The following C11orf58 variants were observed in gnomAD, a reference collection of about 807,000 sequenced individuals.
The protein encoded by C11orf58 is small acidic protein.
Under a neutral mutation model 22.7 loss-of-function variants are expected in C11orf58, and 5 were observed. The ratio of observed to expected loss-of-function variants is 0.22; its 90% confidence interval spans 0.12 to 0.46. C11orf58 has a LOEUF of 0.46. Ranked by LOEUF, C11orf58 falls within the 20% of genes least tolerant of loss-of-function variation. The pLI, the probability that C11orf58 is intolerant of heterozygous loss-of-function variation, is 0.99. For missense variants in C11orf58, 151 were observed against 223.3 expected, an observed-to-expected ratio of 0.68 and a Z score of 2.06; for synonymous variants, 71 against 70.7, an observed-to-expected ratio of 1.00 and a Z score of -0.02.
intron 4 of C11orf58, chr11:16,754,167 A>C: frequency 2.5e-6 from 1 of 395,588 alleles, no homozygotes; most frequent in Non-Finnish European, 4.5e-6. Flanking sequence ...ACTCCAAAGT[A>C]ATACAATGTG....
chr11:16,742,659 A>G (rs1848457039), intron 1 of C11orf58, among the ~76,000 whole-genome samples: 1 of 152,210 alleles, frequency 6.6e-6, no homozygotes, highest in Non-Finnish European at 1.5e-5. Flanking sequence ...TCATATGCCC[A>G]GGGGAAATAG....
chr11:16,748,299 A>G, intron 3 of C11orf58, 142 bp downstream of exon 3: 1 of 633,262 alleles, frequency 1.6e-6, no homozygotes, highest in African/African-American at 1.8e-5. Flanking sequence ...CAGTGGCTTA[A>G]TGCCTGTAAT....
At chr11:16,753,543 A>G (rs758328557) in intron 4 of C11orf58, among the ~76,000 whole-genome samples, 33 of 151,128 alleles carry the variant, frequency 2.2e-4, no homozygotes, top group Non-Finnish European at 3.5e-4. Flanking sequence ...TTTGTATTTC[A>G]GGAGAGATAG....
At chr11:16,740,370 A>G (rs1848436667) in intron 1 of C11orf58, among the ~76,000 whole-genome samples, 1 of 152,132 alleles carries the variant, frequency 6.6e-6, no homozygotes, top group Non-Finnish European at 1.5e-5. Context: ...TTTCCCAATC[A>G]TATAAGCGTA....
chr11:16,745,200 AGGGG>A (rs1848478265), intron 2 of C11orf58, among the ~76,000 whole-genome samples: 1 of 152,144 alleles, frequency 6.6e-6, no homozygotes. Flanking sequence ...GTAGAACACC[AGGGG>A]GAAAGAAAAC....
chr11:16,748,017 T>G, intron 2 of C11orf58, 80 bp from the exon 3 acceptor site: 1 of 1,053,530 alleles, frequency 9.5e-7, no homozygotes, highest in Non-Finnish European at 1.5e-6. Context: ...AAGCCTAGAA[T>G]AGTTTTCAGC....
chr11:16,740,987 T>C (rs555436800), intron 1 of C11orf58, among the ~76,000 whole-genome samples: 1 of 150,706 alleles, frequency 6.6e-6, no homozygotes, highest in Non-Finnish European at 1.5e-5. Flanking sequence ...TCCCAGCTAC[T>C]AGGGAGGCTG....
chr11:16,745,504 TATAAG>T (rs146316216), intron 2 of C11orf58, among the ~76,000 whole-genome samples: 157 of 152,340 alleles, frequency 1.0e-3, no homozygotes, highest in African/African-American at 3.4e-3. Context: ...TCAAGAAAAT[TATAAG>T]GAAGAGAAAA....
At chr11:16,750,914 CTG>C (rs1180838645) in intron 3 of C11orf58, 1 of 152,210 alleles carries the variant, frequency 6.6e-6, no homozygotes, top group Non-Finnish European at 1.5e-5. Context: ...ACTGTGTCAT[CTG>C]TAGAGATGCT....
chr11:16,740,997 G>C (rs1848443270), intron 1 of C11orf58, among the ~76,000 whole-genome samples: 1 of 151,678 alleles, frequency 6.6e-6, no homozygotes, highest in Non-Finnish European at 1.5e-5. Context: ...TAGGGAGGCT[G>C]AGGCAGGAGA....
chr11:16,739,363 G>A (rs181392261), intron 1 of C11orf58: 76 of 157,590 alleles, frequency 4.8e-4, no homozygotes, highest in Admixed American at 3.5e-3. Flanking sequence ...ATTGTGCCAC[G>A]GGTGTAATTT....
intron 1 of C11orf58, among the ~76,000 whole-genome samples, chr11:16,743,931 A>G (rs1848467626): frequency 6.6e-6 from 1 of 152,134 alleles, no homozygotes; most frequent in Non-Finnish European, 1.5e-5. Context: ...GATAATTGCA[A>G]GATAGCATGA....
chr11:16,746,171 C>G (rs1178037166), intron 2 of C11orf58, among the ~76,000 whole-genome samples: 1 of 152,176 alleles, frequency 6.6e-6, no homozygotes, highest in African/African-American at 2.4e-5. Flanking sequence ...ATCTGAATCT[C>G]AAAGGATGAG....
In C11orf58 at chr11:16,758,331, T is replaced by C. The variant is rs1848598261; in HGVS notation, c.*3227T>C. Among the ~76,000 whole-genome samples the C allele has an allele frequency of 6.6e-6, 1 of 152,168 alleles. No homozygotes were observed. The highest frequency in any genetic ancestry group is 2.4e-5 in the African/African-American group (1 of 41,430). On this transcript the variant is annotated 3_prime_UTR_variant, in exon 5 of 5. Transcript: ENST00000228136. ...ATAAATCCGTATTAGTAAAAATTGG[T>C]TTTAACTGACCTCAGCACTGCCCAT... is the stretch of plus-strand genomic sequence containing the variant.
intron 1 of C11orf58, among the ~76,000 whole-genome samples, chr11:16,739,744 G>A (rs570627021): frequency 3.9e-5 from 6 of 152,276 alleles, no homozygotes; most frequent in Middle Eastern, 3.4e-3. Context: ...TGGAGAGAGC[G>A]CGGAGAGGTC....
intron 4 of C11orf58, among the ~76,000 whole-genome samples, chr11:16,753,635 T>C (rs979291015): frequency 1.3e-5 from 2 of 151,876 alleles, no homozygotes; most frequent in African/African-American, 4.8e-5. Context: ...AGTGCTAGGA[T>C]TACAGGCTTG....
intron 3 of C11orf58, 183 bp from the exon 4 acceptor site, chr11:16,752,602 A>G (rs541764836): frequency 5.1e-6 from 2 of 392,846 alleles, no homozygotes; most frequent in East Asian, 3.9e-5. Flanking sequence ...TATTTATGCT[A>G]TCTCAACATC....
intron 4 of C11orf58, among the ~76,000 whole-genome samples, chr11:16,753,453 C>T (rs920231509): frequency 2.0e-5 from 3 of 151,904 alleles, no homozygotes; most frequent in African/African-American, 7.3e-5. Flanking sequence ...GCAACTTCCA[C>T]CTCCCGGGTT....
chr11:16,741,826 T>C (rs546383614), intron 1 of C11orf58, among the ~76,000 whole-genome samples: 82 of 152,350 alleles, frequency 5.4e-4, no homozygotes, highest in African/African-American at 1.9e-3. Context: ...GATGGGACTG[T>C]CTAGTTTTAG....
Sources: gnomAD v4.1 joint callset for allele counts (sites outside exome capture counted in the v4.1 genomes callset) on GRCh38, gnomAD v4.1.1 for gene constraint, MANE v1.5 for transcripts, NCBI Gene and HGNC (gene_info 2026-07-23, HGNC 2026-07-21) for gene names.